SCYL3: variants seen among roughly 807,000 people sequenced by gnomAD.
SCYL3 encodes the protein SCY1 like pseudokinase 3, also known as protein-associating with the carboxyl-terminal domain of ezrin.
Under a neutral mutation model 73.8 loss-of-function variants are expected in SCYL3, and 35 were observed. The ratio of observed to expected loss-of-function variants is 0.47; its 90% confidence interval spans 0.36 to 0.63. The LOEUF (loss-of-function observed/expected upper bound fraction) is 0.63, where lower values mean the gene tolerates loss of function less well. Among genes scored for constraint, SCYL3 ranks in the 20% least tolerant of loss-of-function variants. The probability of loss-of-function intolerance (pLI) is 0.00; values close to 1 mark genes in which losing one functional copy is unlikely to be tolerated. For synonymous variants in SCYL3, 277 were observed against 295.2 expected, an observed-to-expected ratio of 0.94 and a Z score of 0.63; for missense variants, 712 against 798.9, an observed-to-expected ratio of 0.89 and a Z score of 1.31.
chr1:169,886,595 A>G (rs1275839227), intron 2 of SCYL3, among the ~76,000 whole-genome samples: 3 of 152,170 alleles, frequency 2.0e-5, no homozygotes, highest in Non-Finnish European at 4.4e-5. Context: ...TATAAGCTTT[A>G]ATAAGCTTAC....
At chr1:169,876,159 G>T in intron 3 of SCYL3, 68 bp from the exon 4 acceptor site, 1 of 915,552 alleles carries the variant, frequency 1.1e-6, no homozygotes, top group Non-Finnish European at 1.6e-6. Flanking sequence ...TACTTCAAAA[G>T]ATGTTTTTCT....
chr1:169,890,607 G>A (rs561366916), intron 1 of SCYL3, among the ~76,000 whole-genome samples: 115 of 152,290 alleles, frequency 7.6e-4, no homozygotes, highest in Admixed American at 2.4e-3. Flanking sequence ...AGTGCCTACC[G>A]ATCCACAACC....
chr1:169,857,647 T>A (rs1179686838), intron 11 of SCYL3, among the ~76,000 whole-genome samples: 1 of 152,238 alleles, frequency 6.6e-6, no homozygotes, highest in African/African-American at 2.4e-5. Flanking sequence ...GACTTCTATG[T>A]ATTGGGAGAC....
intron 11 of SCYL3, among the ~76,000 whole-genome samples, chr1:169,856,575 GCAC>G (rs779944817): frequency 3.9e-5 from 6 of 152,062 alleles, no homozygotes; most frequent in Non-Finnish European, 8.8e-5. Flanking sequence ...GCTCTCTTCA[GCAC>G]CACATCTCCC....
chr1:169,872,298 C>A (rs1435416669), intron 5 of SCYL3, among the ~76,000 whole-genome samples: 1 of 152,248 alleles, frequency 6.6e-6, no homozygotes, highest in Non-Finnish European at 1.5e-5. Context: ...AGGGTGCAAG[C>A]CCCAAGCCTT....
At chr1:169,864,130 T>C (rs1659856488) in intron 9 of SCYL3, among the ~76,000 whole-genome samples, 2 of 152,238 alleles carry the variant, frequency 1.3e-5, no homozygotes, top group African/African-American at 4.8e-5. Flanking sequence ...ATATTTCAGA[T>C]TCTAGTCAGA....
intron 12 of SCYL3, 200 bp from the exon 13 acceptor site, chr1:169,853,972 CA>C: frequency 1.6e-6 from 1 of 638,022 alleles, no homozygotes; most frequent in Non-Finnish European, 2.6e-6. Flanking sequence ...AATAGCTTTT[CA>C]AAAACCATAA....
In SCYL3 at chr1:169,868,985, T is replaced by C; in HGVS notation, c.680A>G (p.Asn227Ser). The change falls in exon 7 of 13, where the codon AAT becomes AGT. Residue 227 changes from asparagine to serine, a missense_variant. Transcript: ENST00000367771. ...FQQTLHSTLLNPIPKCRPALC... is the reference protein window; with the variant it reads ...FQQTLHSTLLSPIPKCRPALC... ...CGCTGGCCGACATTTTGGAATGGGA[T>C]TCAGCAAAGTTGAGTGCAAGGTCTG... 3 of 1,614,174 alleles carry C rather than the reference T, an allele frequency of 1.9e-6. No homozygotes were observed. The highest frequency in any genetic ancestry group is 2.5e-6 in the Non-Finnish European group (3 of 1,180,032).
intron 11 of SCYL3, among the ~76,000 whole-genome samples, chr1:169,856,845 G>A (rs1462282704): frequency 6.6e-6 from 1 of 152,162 alleles, no homozygotes; most frequent in Non-Finnish European, 1.5e-5. Context: ...AGAGGTGAAC[G>A]CTCTTTAAAA....
chr1:169,879,383 G>A (rs950700242), intron 2 of SCYL3, among the ~76,000 whole-genome samples: 1 of 152,214 alleles, frequency 6.6e-6, no homozygotes, highest in Admixed American at 6.5e-5. Flanking sequence ...TCCCAGAGAG[G>A]AGAGAGCTGG....
At chr1:169,878,571 C>T (rs1186471031) in intron 3 of SCYL3, 63 bp downstream of exon 3, 21 of 1,307,734 alleles carry the variant, frequency 1.6e-5, no homozygotes, top group Non-Finnish European at 2.2e-5. Context: ...TATTACCACA[C>T]ACATCACCCT....
chr1:169,880,817 A>C (rs1661189096), intron 2 of SCYL3, among the ~76,000 whole-genome samples: 1 of 146,908 alleles, frequency 6.8e-6, no homozygotes. Flanking sequence ...GTTGGAGTGC[A>C]GTGGCGCAAT....
chr1:169,854,766 G>A lies in SCYL3; in HGVS notation c.1511C>T (p.Ser504Phe). The A allele has an allele frequency of 6.2e-7, 1 of 1,613,962 alleles. No homozygotes were observed. The highest frequency in any genetic ancestry group is 8.5e-7 in the Non-Finnish European group (1 of 1,179,942). ...WPREPCDDVK[S>F]QCTTLDVEES... ...TTCCACATCCAAGGTAGTGCACTGG[G>A]ACTTGACATCATCACAAGGTTCTCT... Residue 504 changes from serine to phenylalanine, a missense_variant, in exon 12 of 13, where the codon TCC becomes TTC. Coordinates refer to ENST00000367771, the MANE Select transcript of SCYL3 (RefSeq NM_020423.7).
At chr1:169,874,790 G>C (rs1660680886) in intron 4 of SCYL3, among the ~76,000 whole-genome samples, 1 of 152,170 alleles carries the variant, frequency 6.6e-6, no homozygotes, top group South Asian at 2.1e-4. Flanking sequence ...AACCAGGTGT[G>C]GTGGTGTGCA....
intron 11 of SCYL3, among the ~76,000 whole-genome samples, 172 bp from the exon 12 acceptor site, chr1:169,855,136 CAT>C (rs1491190369): frequency 7.9e-5 from 12 of 152,194 alleles, no homozygotes; most frequent in South Asian, 2.1e-4. Context: ...AACGATGTCA[CAT>C]GTTATCCAAA....
At position 169,852,382 on chromosome 1, in the gene SCYL3, G is replaced by A; in HGVS notation, c.*1331C>T. 3.7e-6 allele frequency: 1 copy of A among 272,724 alleles called. No homozygotes were observed. Among genetic ancestry groups the A allele is most frequent in the South Asian group, 4.4e-5 (1 of 22,768 alleles). 16.9% of individuals were successfully genotyped at this position (272,724 alleles called of 1,614,324 possible). A position where few individuals can be genotyped will look rare whatever the true frequency, so the allele number is the denominator to read the frequency against. On this transcript the variant is annotated 3_prime_UTR_variant, in exon 13 of 13. Coordinates refer to ENST00000367771, the MANE Select transcript of SCYL3 (RefSeq NM_020423.7). ...ATAAGGATATTCAAAATATTGTTTT[G>A]AGCACTATTAGTATAGTAATTAGTA...
Position 169,864,438 on chromosome 1 carries a change from T to G in SCYL3, c.886A>C (p.Asn296His). ...ACTGGCTCTGCAAACACCAACTGAT[T>G]AAGCAGAAGAGGCACCAACCTTGAA... ...IASRLVPLLL[N>H]QLVFAEPVAV... The change falls in exon 9 of 13, where the codon AAT becomes CAT. Residue 296 changes from asparagine (N) to histidine (H), a missense_variant. This residue lies in a region of SCYL3 where 342 missense variants were observed against 448.1 expected (regional missense o/e 0.76). Coordinates refer to ENST00000367771, the MANE Select transcript of SCYL3 (RefSeq NM_020423.7). 8 of 1,614,098 alleles carry G rather than the reference T, an allele frequency of 5.0e-6. No individual in the cohort carries two copies. Among genetic ancestry groups the G allele is most frequent in the South Asian group, 2.2e-5 (2 of 91,058 alleles).
Position 169,859,106 on chromosome 1 carries a change from TCTC to T in SCYL3, c.1244_1246del (p.Gly415del), listed in dbSNP as rs745650605. 6.8e-6 allele frequency: 11 copies of T among 1,613,868 alleles called. No homozygotes were observed. Among genetic ancestry groups the T allele is most frequent in the African/African-American group, 1.3e-5 (1 of 74,840 alleles). The stretch of plus-strand genomic sequence containing the variant: ...AGTGCGTTTGAAGATCTTGGTTCGT[TCTC>T]CTCCCACAACCACCTCTGGTCCAAG... On this transcript the variant is annotated inframe_deletion, in exon 11 of 13. Coordinates refer to ENST00000367771, the MANE Select transcript of SCYL3 (RefSeq NM_020423.7).
intron 11 of SCYL3, chr1:169,856,072 G>A: frequency 2.3e-6 from 2 of 859,642 alleles, no homozygotes; most frequent in South Asian, 3.6e-5. Context: ...ACATATAAAG[G>A]ATAAAATGGA....
Sources: allele counts gnomAD v4.1 joint callset (sites outside exome capture counted in the v4.1 genomes callset), GRCh38; gene constraint gnomAD v4.1.1; regional missense constraint gnomAD v4.1.1; transcripts MANE v1.5; gene names NCBI Gene and HGNC (gene_info 2026-07-23, HGNC 2026-07-21).